The following CTIF variants were observed in gnomAD, a reference collection of about 807,000 sequenced individuals.
CTIF encodes CBP80/20-dependent translation initiation factor.
CTIF carries 21 observed loss-of-function variants against 66.0 expected under a neutral mutation model. That is an observed-to-expected ratio of 0.32 (90% confidence interval 0.23 to 0.46). CTIF has a LOEUF of 0.46. Ranked by LOEUF, CTIF falls within the 20% of genes least tolerant of loss-of-function variation. CTIF has a pLI of 1.00. For missense variants in CTIF, 739 were observed against 812.7 expected, an observed-to-expected ratio of 0.91 and a Z score of 1.10; for synonymous variants, 345 against 326.4, an observed-to-expected ratio of 1.06 and a Z score of -0.62.
chr18:48,748,092 C>G (rs1212122689), intron 7 of CTIF, among the ~76,000 whole-genome samples: 1 of 152,110 alleles, frequency 6.6e-6, no homozygotes, highest in East Asian at 1.9e-4. Context: ...TTTGCATTTT[C>G]TCAGCTATTC....
intron 7 of CTIF, among the ~76,000 whole-genome samples, chr18:48,734,920 C>T (rs1056536046): frequency 3.9e-5 from 6 of 152,158 alleles, no homozygotes; most frequent in African/African-American, 1.4e-4. Flanking sequence ...TATCATATTG[C>T]TGTGTGTGTA....
chr18:48,680,577 G>A (rs753674905), intron 6 of CTIF, among the ~76,000 whole-genome samples: 3 of 152,242 alleles, frequency 2.0e-5, no homozygotes, highest in Non-Finnish European at 2.9e-5. Flanking sequence ...CCCTGCACAC[G>A]TCCACCCGCT....
chr18:48,695,569 A>G (rs2091994680), intron 6 of CTIF, among the ~76,000 whole-genome samples: 1 of 152,206 alleles, frequency 6.6e-6, no homozygotes, highest in Admixed American at 6.5e-5. Flanking sequence ...ATTTCTTTAG[A>G]CATGCTGTTT....
At chr18:48,660,898 T>G (rs2091331461) in intron 3 of CTIF, among the ~76,000 whole-genome samples, 1 of 152,222 alleles carries the variant, frequency 6.6e-6, no homozygotes, top group Non-Finnish European at 1.5e-5. Context: ...ACATAGTTGC[T>G]CTCTCTTTCT....
At chr18:48,621,705 G>A in intron 2 of CTIF, 2 of 271,428 alleles carry the variant, frequency 7.4e-6, no homozygotes, top group Non-Finnish European at 1.5e-5. Context: ...CCACTGAGCG[G>A]TGAAGGCAGA....
chr18:48,571,590 A>C (rs1458086339), intron 1 of CTIF, among the ~76,000 whole-genome samples: 2 of 152,150 alleles, frequency 1.3e-5, no homozygotes, highest in African/African-American at 4.8e-5. Context: ...TTTTTCATCT[A>C]AGAGAATATT....
chr18:48,807,421 C>T (rs886968436), intron 9 of CTIF, among the ~76,000 whole-genome samples: 1 of 152,106 alleles, frequency 6.6e-6, no homozygotes, highest in African/African-American at 2.4e-5. Context: ...AGAGACAACT[C>T]CTGTGAAACA....
At chr18:48,565,211 C>T (rs2089253349) in intron 1 of CTIF, 1 of 152,106 alleles carries the variant, frequency 6.6e-6, no homozygotes, top group South Asian at 2.1e-4. Context: ...CCACGGAGTC[C>T]AAGCCCCACA....
intron 9 of CTIF, among the ~76,000 whole-genome samples, chr18:48,771,739 T>A (rs894343352): frequency 1.2e-4 from 19 of 152,138 alleles, no homozygotes; most frequent in South Asian, 2.1e-4. Context: ...CCCCAGCACC[T>A]CCTCCTCCTC....
In CTIF at chr18:48,738,574, G is replaced by C. The variant is rs149340954; in HGVS notation, c.585-19345G>C. Among the ~76,000 whole-genome samples, 1,080 of 149,058 alleles carry C rather than the reference G, an allele frequency of 7.2e-3. 18 individuals carry two copies. Among genetic ancestry groups the C allele is most frequent in the Middle Eastern group, 7.1e-3 (2 of 282 alleles). On this transcript the variant is annotated intron_variant, in intron 7 of 11. Transcript: ENST00000256413. The stretch of plus-strand genomic sequence containing the variant: ...TTGCTCTTCTCCTGGGTATTTGCAT[G>C]GCTTCTCCCTCCCCTCCCTCAAGCC...
chr18:48,848,924 TG>T, intron 10 of CTIF, among the ~76,000 whole-genome samples: 1 of 152,272 alleles, frequency 6.6e-6, no homozygotes. Flanking sequence ...AAACACTGTG[TG>T]GGCTCGCACA....
chr18:48,703,822 C>T (rs2092116182), intron 6 of CTIF, among the ~76,000 whole-genome samples: 1 of 152,156 alleles, frequency 6.6e-6, no homozygotes, highest in Non-Finnish European at 1.5e-5. Context: ...GCTTGGTGGC[C>T]AGGAATACCC....
intron 2 of CTIF, among the ~76,000 whole-genome samples, chr18:48,632,937 G>A (rs1342405572): frequency 6.6e-6 from 1 of 152,160 alleles, no homozygotes; most frequent in African/African-American, 2.4e-5. Context: ...CTTGGACAAG[G>A]CAGAGCAGTC....
At chr18:48,757,862 G>T in intron 7 of CTIF, 57 bp from the exon 8 acceptor site, 7 of 1,558,636 alleles carry the variant, frequency 4.5e-6, no homozygotes, top group South Asian at 1.2e-5. Context: ...TGGGCACAGG[G>T]ACTCTGACCA....
chr18:48,668,120 G>A (rs2091465492), intron 5 of CTIF, among the ~76,000 whole-genome samples: 1 of 152,230 alleles, frequency 6.6e-6, no homozygotes, highest in Non-Finnish European at 1.5e-5. Context: ...GCCCTGACGA[G>A]GGCAGGCCTC....
At chr18:48,713,533 C>T (rs1048491450) in intron 7 of CTIF, among the ~76,000 whole-genome samples, 5 of 152,226 alleles carry the variant, frequency 3.3e-5, no homozygotes, top group Non-Finnish European at 7.4e-5. Context: ...GAGCTGCGCT[C>T]ACATTCACCA....
chr18:48,672,639 C>G (rs1275698349), intron 6 of CTIF, among the ~76,000 whole-genome samples: 2 of 152,146 alleles, frequency 1.3e-5, no homozygotes, highest in Non-Finnish European at 2.9e-5. Flanking sequence ...CCCCTCCCTA[C>G]CTGGAGGCAA....
At chr18:48,834,176 C>T (rs769380368) in intron 10 of CTIF, among the ~76,000 whole-genome samples, 3 of 152,176 alleles carry the variant, frequency 2.0e-5, no homozygotes, top group Admixed American at 6.5e-5. Flanking sequence ...CACATCCCTG[C>T]GAGGTGTAGG....
At chr18:48,788,784 GAGA>G in intron 9 of CTIF, among the ~76,000 whole-genome samples, 1 of 152,300 alleles carries the variant, frequency 6.6e-6, no homozygotes, top group African/African-American at 2.4e-5. Flanking sequence ...CAGAAAAAAT[GAGA>G]AGAAGCACTT....
Sources: gnomAD v4.1 joint callset for allele counts (sites outside exome capture counted in the v4.1 genomes callset) on GRCh38, gnomAD v4.1.1 for gene constraint, MANE v1.5 for transcripts, NCBI Gene and HGNC (gene_info 2026-07-23, HGNC 2026-07-21) for gene names.